Variants in COBL observed in about 807,000 individuals in gnomAD.
COBL encodes the protein protein cordon-bleu.
In COBL, 51 loss-of-function variants were observed where a neutral mutation model predicts 98.8. That is an observed-to-expected ratio of 0.52 (90% CI 0.41 to 0.65). The LOEUF (loss-of-function observed/expected upper bound fraction) is 0.65, where lower values mean the gene tolerates loss of function less well. Ranked by LOEUF, COBL falls within the 30% of genes least tolerant of loss-of-function variation. COBL has a pLI of 0.00. For missense variants in COBL, 1,617 were observed against 1,617.5 expected (o/e 1.00, Z 0.01); for synonymous variants, 634 against 651.7 (o/e 0.97, Z 0.41).
chr7:51,218,201 A>G (rs1231345334), intron 2 of COBL, among the ~76,000 whole-genome samples: 2 of 152,248 alleles, frequency 1.3e-5, no homozygotes, highest in Non-Finnish European at 2.9e-5. Flanking sequence ...CTTATCTCAT[A>G]AAATACTTTT....
intron 3 of COBL, 132 bp downstream of exon 3, chr7:51,193,247 T>C: frequency 1.4e-6 from 1 of 719,982 alleles, no homozygotes; most frequent in East Asian, 2.7e-5. Flanking sequence ...TGCCTAGCTT[T>C]GCCTGGCATG....
chr7:51,068,648 G>C (rs1583672921), intron 7 of COBL, among the ~76,000 whole-genome samples: 1 of 152,170 alleles, frequency 6.6e-6, no homozygotes, highest in East Asian at 1.9e-4. Context: ...GATGGTGAGT[G>C]ATGGTTTCAT....
At position 51,107,099 on chromosome 7, in the gene COBL, T is replaced by G. The variant is rs1215189925; in HGVS notation, c.958-21795A>C. On this transcript the variant is annotated intron_variant, in intron 6 of 12. Transcript: ENST00000265136. ...TGTGATCCTAGTTTGTTTGTTTTTT[T>G]TTTTTTTTTTTTTGAGACAGAATCT... is the stretch of plus-strand genomic sequence containing the variant. Among the ~76,000 whole-genome samples the G allele has an allele frequency of 2.7e-5, 4 of 145,772 alleles. 1 individual carries two copies. Among genetic ancestry groups the G allele is most frequent in the Non-Finnish European group, 6.0e-5 (4 of 66,404 alleles).
In COBL at chr7:51,303,130, A is replaced by AGATC. The variant is rs1802138212; in HGVS notation, c.41+13462_41+13463insGATC. Reference sequence around the variant, plus strand: ...TTTCCCCGAGCCTCATGACAAAGTTAACACAATAGATCATACTTTCAGATT... The same window carrying AGATC: ...TTTCCCCGAGCCTCATGACAAAGTTAGATCACACAATAGATCATACTTTCAGATT... On this transcript the variant is annotated intron_variant, in intron 1 of 12. Transcript: ENST00000265136. 3.3e-5 allele frequency among the ~76,000 whole-genome samples: 5 copies of AGATC among 152,392 alleles called. No homozygotes were observed. In the East Asian group the frequency reaches 9.6e-4, roughly 29 times the overall value.
At chr7:51,031,147 T>C (rs1437177533) in intron 8 of COBL, 1 of 511,840 alleles carries the variant, frequency 2.0e-6, no homozygotes, top group Admixed American at 3.5e-5. Context: ...ATGTGTGGAG[T>C]ATATGTCTTG....
chr7:51,028,725 G>A lies in COBL; in HGVS notation c.2371C>T (p.Pro791Ser). 1.9e-6 allele frequency: 3 copies of A among 1,614,094 alleles called. No individual in the cohort carries two copies. Among genetic ancestry groups the A allele is most frequent in the East Asian group, 2.2e-5 (1 of 44,850 alleles). ...TGCGTGGGCACAGGGGTGGAGGGGG[G>A]TCCCCTGGCAGAGCTCTCTGAGGGT... Reference protein sequence around the residue: ...GRPSESSARGPPSTPVPTQTQ... With the variant: ...GRPSESSARGSPSTPVPTQTQ... The change falls in exon 10 of 13, where the codon CCC becomes TCC. Residue 791 changes from proline (P) to serine (S), a missense_variant. By Grantham distance (74) the Pro-to-Ser change is moderately conservative. Coordinates refer to ENST00000265136, the MANE Select transcript of COBL (RefSeq NM_015198.5).
At chr7:51,125,957 G>A (rs1291047401) in intron 6 of COBL, among the ~76,000 whole-genome samples, 1 of 152,178 alleles carries the variant, frequency 6.6e-6, no homozygotes, top group Non-Finnish European at 1.5e-5. Context: ...TATCGTTTAA[G>A]TAAGGGATGG....
intron 6 of COBL, among the ~76,000 whole-genome samples, chr7:51,088,349 T>G (rs1489228830): frequency 9.1e-5 from 3 of 33,014 alleles, no homozygotes; most frequent in African/African-American, 4.5e-4. Flanking sequence ...TTTCCCCCCC[T>G]CTTGGAAATT....
chr7:51,018,026 C>T (rs10255245), intron 12 of COBL, among the ~76,000 whole-genome samples: 140,813 of 152,314 alleles, frequency 0.92, 65,209 homozygotes, highest in Middle Eastern at 0.94. Flanking sequence ...CAATAATAAA[C>T]TGCTTGTTTG....
intron 12 of COBL, among the ~76,000 whole-genome samples, chr7:51,020,435 A>G (rs934241703): frequency 1.3e-5 from 2 of 152,202 alleles, no homozygotes; most frequent in African/African-American, 4.8e-5. Flanking sequence ...GTCTATCACA[A>G]GCAGCTCCGA....
chr7:51,287,911 G>T (rs1800524954), intron 1 of COBL, among the ~76,000 whole-genome samples: 1 of 152,184 alleles, frequency 6.6e-6, no homozygotes, highest in Non-Finnish European at 1.5e-5. Context: ...AGTATGCTGT[G>T]CGAAAGAGGT....
chr7:51,020,913 T>C (rs1786865426), intron 12 of COBL: 1 of 152,230 alleles, frequency 6.6e-6, no homozygotes, highest in Non-Finnish European at 1.5e-5. Context: ...ACATCAAATT[T>C]ACCCTTTTGT....
At chr7:51,051,550 CCTT>C (rs1790237127) in intron 7 of COBL, among the ~76,000 whole-genome samples, 1 of 152,178 alleles carries the variant, frequency 6.6e-6, no homozygotes, top group African/African-American at 2.4e-5. Context: ...ACTTTGTTGT[CCTT>C]CTTTCATGCA....
At chr7:51,188,728 C>G (rs1372318581) in intron 4 of COBL, among the ~76,000 whole-genome samples, 3 of 152,332 alleles carry the variant, frequency 2.0e-5, no homozygotes, top group East Asian at 1.9e-4. Flanking sequence ...TTGTTCTGCT[C>G]TGTCCCATAT....
In COBL at chr7:51,184,123, A is replaced by T. The variant is rs779998306; in HGVS notation, c.762T>A (p.Val254=). ...TTACCTTACTATTGCTTCTTTTATT[A>T]ACTTTGAAAAATCCCAGAAATTTTT... The part of the protein sequence containing the change: ...EKKKFLGFFK[V]NKRSNSKGCL... The change falls in exon 5 of 13, where the codon GTT becomes GTA. Residue 254 remains valine (V), a synonymous_variant. Transcript: ENST00000265136. 3 of 1,530,220 alleles carry T rather than the reference A, an allele frequency of 2.0e-6. No homozygotes were observed. The highest frequency in any genetic ancestry group is 2.7e-5 in the African/African-American group (2 of 72,872). 94.8% of individuals were successfully genotyped at this position (1,530,220 alleles called of 1,614,324 possible).
chr7:51,025,416 C>T, intron 11 of COBL, 44 bp from the exon 12 acceptor site: 2 of 1,602,126 alleles, frequency 1.2e-6, no homozygotes, highest in African/African-American at 1.3e-5. Context: ...GTGAATGTCT[C>T]CCAAAATTCA....
intron 6 of COBL, among the ~76,000 whole-genome samples, chr7:51,114,121 G>A (rs1463932463): frequency 6.6e-6 from 1 of 152,196 alleles, no homozygotes; most frequent in African/African-American, 2.4e-5. Flanking sequence ...TATATGTGCA[G>A]GGAGCCTGCT....
intron 6 of COBL, among the ~76,000 whole-genome samples, chr7:51,095,068 T>C (rs1448656955): frequency 2.0e-5 from 3 of 152,184 alleles, no homozygotes; most frequent in African/African-American, 4.8e-5. Flanking sequence ...TGCTAATTAA[T>C]AAAGGCATAC....
At chr7:51,094,296 G>T (rs960480594) in intron 6 of COBL, among the ~76,000 whole-genome samples, 20 of 151,874 alleles carry the variant, frequency 1.3e-4, no homozygotes, top group African/African-American at 4.8e-4. Context: ...GGAGGAATAA[G>T]TTTCAGTGCC....
Sources: gnomAD v4.1 joint callset for allele counts (sites outside exome capture counted in the v4.1 genomes callset) on GRCh38, gnomAD v4.1.1 for gene constraint, MANE v1.5 for transcripts, NCBI Gene and HGNC (gene_info 2026-07-23, HGNC 2026-07-21) for gene names.